Variants in PAPSS2 observed in about 807,000 individuals in gnomAD.
PAPSS2 encodes 3'-phosphoadenosine 5'-phosphosulfate synthase 2, also known as bifunctional 3'-phosphoadenosine 5'-phosphosulfate synthase 2.
In PAPSS2, 61 loss-of-function variants were observed where a neutral mutation model predicts 66.5. The ratio of observed to expected loss-of-function variants is 0.92; its 90% CI spans 0.75 to 1.14. The LOEUF (loss-of-function observed/expected upper bound fraction) is 1.14, where lower values mean the gene tolerates loss of function less well. PAPSS2 is among the 50% of genes most tolerant of loss of function. The pLI is 0.00. For missense variants in PAPSS2, 708 were observed against 789.6 expected, an observed-to-expected ratio of 0.90 and a Z score of 1.24; for synonymous variants, 289 against 287.5, an observed-to-expected ratio of 1.01 and a Z score of -0.05.
rs1853736857 is a variant in PAPSS2, at chr10:87,732,065, A to G, written c.1086+4576A>G. On this transcript the variant is annotated intron_variant, in intron 9 of 12. Transcript: ENST00000456849. ...TTCATGAAAGAAAGAGTCAATTGAT[A>G]TGACCAACTTCATTGTTGTCTTATT... Among the ~76,000 whole-genome samples, 3 of 152,200 alleles carry G rather than the reference A, an allele frequency of 2.0e-5. No homozygotes were observed. In the South Asian group the frequency reaches 6.2e-4, roughly 32 times the overall value.
intron 9 of PAPSS2, among the ~76,000 whole-genome samples, chr10:87,734,000 C>T (rs527309120): frequency 6.6e-6 from 1 of 152,294 alleles, no homozygotes; most frequent in South Asian, 2.1e-4. Flanking sequence ...TGCTTGAATT[C>T]ATTCACTCCT....
At chr10:87,738,692 T>C (rs1193574657) in intron 9 of PAPSS2, among the ~76,000 whole-genome samples, 1 of 152,222 alleles carries the variant, frequency 6.6e-6, no homozygotes, top group African/African-American at 2.4e-5. Context: ...CGTGAGCCAC[T>C]GTGCCCAGCC....
chr10:87,686,903 G>A (rs954834154), intron 1 of PAPSS2, among the ~76,000 whole-genome samples: 8 of 152,150 alleles, frequency 5.3e-5, no homozygotes, highest in Non-Finnish European at 1.0e-4. Flanking sequence ...TGCAAGGTTA[G>A]GGCTTATTTT....
intron 1 of PAPSS2, among the ~76,000 whole-genome samples, chr10:87,673,953 C>A (rs1364022063): frequency 6.6e-6 from 1 of 152,092 alleles, no homozygotes; most frequent in African/African-American, 2.4e-5. Context: ...GAGCCCTTTT[C>A]CTTCTGCATG....
intron 9 of PAPSS2, among the ~76,000 whole-genome samples, chr10:87,740,704 C>A (rs1403399447): frequency 1.3e-5 from 2 of 152,112 alleles, no homozygotes; most frequent in Non-Finnish European, 2.9e-5. Flanking sequence ...TTCTCTTTTC[C>A]AGCTACCTAC....
intron 1 of PAPSS2, among the ~76,000 whole-genome samples, chr10:87,699,746 A>G (rs1288033047): frequency 6.7e-6 from 1 of 149,622 alleles, no homozygotes; most frequent in African/African-American, 2.5e-5. Context: ...GATACTCGGG[A>G]GGCTGAGGCG....
At chr10:87,711,313 A>G (rs997862963) in intron 2 of PAPSS2, among the ~76,000 whole-genome samples, 2 of 152,282 alleles carry the variant, frequency 1.3e-5, no homozygotes, top group African/African-American at 2.4e-5. Flanking sequence ...TGCCTGGCAC[A>G]TAGTTAAGTT....
At position 87,709,189 on chromosome 10, in the gene PAPSS2, TTTA is replaced by T; in HGVS notation, c.28-5_28-3del. On this transcript the variant is annotated splice_polypyrimidine_tract_variant and splice_region_variant and intron_variant, in intron 1 of 12. Transcript: ENST00000456849. ...AATACTGTGCTTGGTTTTGTCTTATTTTATAGGAGAACCAGCAGAAATCCACCA... is the reference window on the plus strand; with the variant it reads ...AATACTGTGCTTGGTTTTGTCTTATTTAGGAGAACCAGCAGAAATCCACCA... The T allele has an allele frequency of 6.3e-7, 1 of 1,587,266 alleles. No homozygotes were observed.
chr10:87,736,217 TTA>T (rs1853797329), intron 9 of PAPSS2, among the ~76,000 whole-genome samples: 1 of 151,598 alleles, frequency 6.6e-6, no homozygotes, highest in African/African-American at 2.4e-5. Flanking sequence ...ATATTTAAAC[TTA>T]TAGAAAAAAA....
At chr10:87,701,430 C>CTCTCTCTCTCTCTCTCTCTT (rs373318487) in intron 1 of PAPSS2, among the ~76,000 whole-genome samples, 3 of 73,300 alleles carry the variant, frequency 4.1e-5, no homozygotes, top group East Asian at 1.1e-3. Context: ...CTCTCTCTCT[C>CTCTCTCTCTCTCTCTCTCTT]TCTTTCTTTC....
intron 9 of PAPSS2, among the ~76,000 whole-genome samples, chr10:87,728,319 A>T (rs993104740): frequency 6.6e-6 from 1 of 152,176 alleles, no homozygotes; most frequent in Non-Finnish European, 1.5e-5. Flanking sequence ...GACTTCTCAA[A>T]TCTCCCAGCA....
At chr10:87,738,405 CTGTGTGTGTGTATGTG>C (rs71019497) in intron 9 of PAPSS2, among the ~76,000 whole-genome samples, 39,890 of 148,002 alleles carry the variant, frequency 0.27, 5,643 homozygotes, top group Non-Finnish European at 0.32. Flanking sequence ...TTTTTCTTTT[CTGTGTGTGTGTATGTG>C]TGTGTGTGTG....
chr10:87,681,416 T>C (rs141552921), intron 1 of PAPSS2, among the ~76,000 whole-genome samples: 7 of 152,322 alleles, frequency 4.6e-5, no homozygotes, highest in Middle Eastern at 6.8e-3. Flanking sequence ...ATAGCCTTGG[T>C]CATAGACAAA....
intron 1 of PAPSS2, among the ~76,000 whole-genome samples, chr10:87,670,454 C>T (rs1033825181): frequency 1.3e-5 from 2 of 152,122 alleles, no homozygotes; most frequent in Non-Finnish European, 2.9e-5. Context: ...AGCGTTGTCT[C>T]CTTCTAACAC....
intron 9 of PAPSS2, among the ~76,000 whole-genome samples, chr10:87,734,677 A>ATG (rs1853773586): frequency 1.7e-5 from 2 of 115,214 alleles, no homozygotes; most frequent in African/African-American, 6.7e-5. Context: ...ATATATATAT[A>ATG]TATATATATA....
rs752467025 is a variant in PAPSS2, at chr10:87,709,188, T to C, written c.28-8T>C. The C allele has an allele frequency of 1.3e-6, 2 of 1,585,036 alleles. No individual in the cohort carries two copies. Among genetic ancestry groups the C allele is most frequent in the South Asian group, 2.2e-5 (2 of 90,506 alleles). Reference sequence around the variant, plus strand: ...TAATACTGTGCTTGGTTTTGTCTTATTTTATAGGAGAACCAGCAGAAATCC... The same window carrying C: ...TAATACTGTGCTTGGTTTTGTCTTACTTTATAGGAGAACCAGCAGAAATCC... On this transcript the variant is annotated splice_polypyrimidine_tract_variant and splice_region_variant and intron_variant, in intron 1 of 12. Coordinates refer to ENST00000456849, the MANE Select transcript of PAPSS2 (RefSeq NM_001015880.2).
At chr10:87,708,101 T>G (rs1282514189) in intron 1 of PAPSS2, among the ~76,000 whole-genome samples, 2 of 152,222 alleles carry the variant, frequency 1.3e-5, no homozygotes, top group Non-Finnish European at 2.9e-5. Context: ...TATTTTCTTT[T>G]AAGTCCACCA....
chr10:87,709,466 C>A (rs1000099472), intron 2 of PAPSS2, among the ~76,000 whole-genome samples, 153 bp downstream of exon 2: 2 of 152,054 alleles, frequency 1.3e-5, no homozygotes, highest in Admixed American at 6.6e-5. Flanking sequence ...TAGTCCTAAC[C>A]CTACCATCAG....
intron 9 of PAPSS2, among the ~76,000 whole-genome samples, chr10:87,733,854 C>G (rs74511882): frequency 0.021 from 3,165 of 151,708 alleles, 99 homozygotes; most frequent in African/African-American, 0.071. Context: ...GTTCCCCCTA[C>G]TATGTCTCCT....
Sources: allele counts gnomAD v4.1 joint callset (sites outside exome capture counted in the v4.1 genomes callset), GRCh38; gene constraint gnomAD v4.1.1; transcripts MANE v1.5; gene names NCBI Gene and HGNC (gene_info 2026-07-23, HGNC 2026-07-21).